The following WWOX variants were observed in gnomAD, a reference collection of about 807,000 sequenced individuals.
WWOX encodes the protein WW domain containing oxidoreductase.
Under a neutral mutation model 46.2 loss-of-function variants are expected in WWOX, and 69 were observed. The ratio of observed to expected loss-of-function variants is 1.49; its 90% CI spans 1.23 to 1.82. WWOX has a LOEUF of 1.82. Among genes scored for constraint, WWOX ranks in the 40% most tolerant of loss-of-function variants. The pLI is 0.00. For synonymous variants in WWOX, 359 were observed against 202.6 expected (o/e 1.77, Z -6.56); for missense variants, 919 against 542.6 (o/e 1.69, Z -6.89).
At position 78,999,794 on chromosome 16, in the gene WWOX, G is replaced by A. The variant is rs140128600; in HGVS notation, c.1057-211814G>A. Among the ~76,000 whole-genome samples the A allele has an allele frequency of 2.0e-3, 305 of 152,276 alleles. 2 individuals carry two copies. The highest frequency in any genetic ancestry group is 7.0e-3 in the African/African-American group (292 of 41,560). ...TATTCAGATGATGGATACACTAAAA[G>A]TGCAGACTTCACCACTACGCCATAT... On this transcript the variant is annotated intron_variant, in intron 8 of 8. Coordinates refer to ENST00000566780, the MANE Select transcript of WWOX (RefSeq NM_016373.4).
At chr16:78,945,738 G>C (rs2045936430) in intron 8 of WWOX, among the ~76,000 whole-genome samples, 1 of 151,548 alleles carries the variant, frequency 6.6e-6, no homozygotes, top group South Asian at 2.1e-4. Context: ...TTTCTTTCCA[G>C]GTTCCTGCAA....
At chr16:78,261,534 T>G (rs2079233822) in intron 5 of WWOX, among the ~76,000 whole-genome samples, 1 of 150,726 alleles carries the variant, frequency 6.6e-6, no homozygotes, top group Non-Finnish European at 1.5e-5. Flanking sequence ...TAGTTTTGTA[T>G]TTCATCTGTG....
At chr16:78,948,519 A>G (rs967389877) in intron 8 of WWOX, among the ~76,000 whole-genome samples, 9 of 152,010 alleles carry the variant, frequency 5.9e-5, no homozygotes, top group African/African-American at 1.9e-4. Flanking sequence ...AGACCCCAAG[A>G]CAGCTCTGCT....
intron 8 of WWOX, among the ~76,000 whole-genome samples, chr16:78,571,764 A>T (rs2044721095): frequency 2.0e-5 from 3 of 152,122 alleles, no homozygotes; most frequent in Admixed American, 2.0e-4. Flanking sequence ...GCTACTCGGG[A>T]GGGTGAAGCA....
intron 6 of WWOX, among the ~76,000 whole-genome samples, chr16:78,419,689 C>T (rs1244054072): frequency 7.7e-6 from 1 of 129,792 alleles, no homozygotes; most frequent in African/African-American, 2.8e-5. Flanking sequence ...AACTATACAA[C>T]TCTTAGAAGC....
At chr16:78,563,490 AAC>A (rs61298369) in intron 8 of WWOX, among the ~76,000 whole-genome samples, 34,868 of 137,434 alleles carry the variant, frequency 0.25, 4,419 homozygotes, top group African/African-American at 0.3. Context: ...CGTGTGGGTG[AAC>A]ACACACACAC....
At chr16:78,955,877 C>G (rs1019659254) in intron 8 of WWOX, among the ~76,000 whole-genome samples, 2 of 151,796 alleles carry the variant, frequency 1.3e-5, no homozygotes, top group Non-Finnish European at 1.5e-5. Context: ...TTCCTGGCCT[C>G]AAGCGATCTC....
chr16:78,108,394 A>C (rs374137196), intron 1 of WWOX, 29 bp from the exon 2 acceptor site: 5 of 1,602,252 alleles, frequency 3.1e-6, no homozygotes, highest in Non-Finnish European at 4.3e-6. Context: ...ATTTTTACTT[A>C]TTACTGTGGA....
chr16:78,277,324 T>A (rs1018304119), intron 5 of WWOX, among the ~76,000 whole-genome samples: 22 of 152,166 alleles, frequency 1.4e-4, no homozygotes, highest in Non-Finnish European at 2.4e-4. Context: ...CGACTCTCTA[T>A]AAAATGATGT....
At chr16:78,181,622 A>G (rs1478041207) in intron 5 of WWOX, among the ~76,000 whole-genome samples, 1 of 152,124 alleles carries the variant, frequency 6.6e-6, no homozygotes, top group African/African-American at 2.4e-5. Flanking sequence ...GTTCTTTGCT[A>G]TTGACGAAAT....
Position 79,211,884 on chromosome 16 carries a change from C to CTCCAACACAGATCCGCA in WWOX, c.*89_*105dup. On this transcript the variant is annotated 3_prime_UTR_variant, in exon 9 of 9. Transcript: ENST00000566780. ...AGGGCTGGGCCCCTTCCAAATGTCC[C>CTCCAACACAGATCCGCA]TCCAACACAGATCCGCAAGAGTAAA... The CTCCAACACAGATCCGCA allele has an allele frequency of 6.3e-7, 1 of 1,582,174 alleles. No homozygotes were observed. Among genetic ancestry groups the CTCCAACACAGATCCGCA allele is most frequent in the South Asian group, 1.1e-5 (1 of 88,148 alleles).
At chr16:79,194,185 A>G (rs2051193074) in intron 8 of WWOX, among the ~76,000 whole-genome samples, 1 of 152,214 alleles carries the variant, frequency 6.6e-6, no homozygotes, top group African/African-American at 2.4e-5. Context: ...GAGAACAGCT[A>G]TGTCAAAACC....
intron 8 of WWOX, among the ~76,000 whole-genome samples, chr16:79,136,517 C>A (rs997862605): frequency 1.3e-5 from 2 of 152,148 alleles, no homozygotes; most frequent in African/African-American, 4.8e-5. Context: ...GCGTGAGCTA[C>A]CATGCCTGGC....
intron 8 of WWOX, among the ~76,000 whole-genome samples, chr16:78,967,845 C>T (rs972680984): frequency 6.6e-6 from 1 of 152,126 alleles, no homozygotes; most frequent in African/African-American, 2.4e-5. Flanking sequence ...AGTGATGCCA[C>T]ATAAATCAAC....
chr16:78,337,711 G>A (rs4036025), intron 5 of WWOX, among the ~76,000 whole-genome samples: 2 of 150,340 alleles, frequency 1.3e-5, no homozygotes, highest in Admixed American at 6.6e-5. Context: ...GAATTTAGGC[G>A]CTTTAGGCTA....
intron 8 of WWOX, among the ~76,000 whole-genome samples, chr16:78,865,535 T>G (rs2043984979): frequency 6.6e-6 from 1 of 152,134 alleles, no homozygotes; most frequent in African/African-American, 2.4e-5. Flanking sequence ...TATAATTCCT[T>G]AGATTGCTGT....
chr16:78,451,318 C>G (rs568178088), intron 8 of WWOX, among the ~76,000 whole-genome samples: 1 of 152,194 alleles, frequency 6.6e-6, no homozygotes, highest in Admixed American at 6.5e-5. Context: ...AGTATACATT[C>G]TGCAGAACTA....
At chr16:78,901,946 C>T (rs2044841632) in intron 8 of WWOX, among the ~76,000 whole-genome samples, 1 of 152,296 alleles carries the variant, frequency 6.6e-6, no homozygotes, top group East Asian at 1.9e-4. Flanking sequence ...CTGATCAATC[C>T]CATTCCCACT....
At position 78,166,867 on chromosome 16, in the gene WWOX, TTTC is replaced by T. The variant is rs1347196687; in HGVS notation, c.516+2581_516+2583del. 3.9e-5 allele frequency: 6 copies of T among 152,446 alleles called. No homozygotes were observed. In the East Asian group the frequency reaches 1.2e-3, roughly 29 times the overall value. 9.4% of individuals were successfully genotyped at this position (152,446 alleles called of 1,614,324 possible). A position where few individuals can be genotyped will look rare whatever the true frequency, so the allele number is the denominator to read the frequency against. On this transcript the variant is annotated intron_variant, in intron 5 of 8. Transcript: ENST00000566780. Reference sequence around the variant, plus strand: ...CCACCGTGCCCGACCTCCCGAGTCATTTCTTATCTTGTTGCTCCAATTTCCATT... The same window carrying T: ...CCACCGTGCCCGACCTCCCGAGTCATTTATCTTGTTGCTCCAATTTCCATT...
Sources: allele counts gnomAD v4.1 joint callset (sites outside exome capture counted in the v4.1 genomes callset), GRCh38; gene constraint gnomAD v4.1.1; transcripts MANE v1.5; gene names NCBI Gene and HGNC (gene_info 2026-07-23, HGNC 2026-07-21).